The following TMEM135 variants were observed in gnomAD, a reference collection of about 807,000 sequenced individuals.
TMEM135 encodes the protein peroxisomal membrane protein 52.
TMEM135 carries 30 observed loss-of-function variants against 60.3 expected under a neutral mutation model. That is an observed-to-expected ratio of 0.50 (90% confidence interval 0.37 to 0.68). The LOEUF (loss-of-function observed/expected upper bound fraction) is 0.68, where lower values mean the gene tolerates loss of function less well. TMEM135 is among the 30% of genes least tolerant of loss of function. The pLI is 0.00. For synonymous variants in TMEM135, 190 were observed against 186.7 expected, an observed-to-expected ratio of 1.02 and a Z score of -0.14; for missense variants, 468 against 548.8, an observed-to-expected ratio of 0.85 and a Z score of 1.47.
chr11:87,069,162 T>G (rs1220559822), intron 2 of TMEM135, among the ~76,000 whole-genome samples: 1 of 151,622 alleles, frequency 6.6e-6, no homozygotes, highest in Non-Finnish European at 1.5e-5. Context: ...GGCATGCGCC[T>G]GTAGTCCCAT....
At chr11:87,093,998 T>C (rs1857267341) in intron 4 of TMEM135, among the ~76,000 whole-genome samples, 1 of 152,210 alleles carries the variant, frequency 6.6e-6, no homozygotes, top group Non-Finnish European at 1.5e-5. Flanking sequence ...AGTACTTTTT[T>C]CCTTCATATA....
chr11:87,075,930 G>T (rs2135147836), intron 3 of TMEM135, among the ~76,000 whole-genome samples: 2 of 152,152 alleles, frequency 1.3e-5, no homozygotes, highest in African/African-American at 4.8e-5. Context: ...TTGGAACTGA[G>T]CATGAGGTGA....
chr11:87,252,812 G>A (rs996918787), intron 6 of TMEM135, among the ~76,000 whole-genome samples: 6 of 150,966 alleles, frequency 4.0e-5, no homozygotes, highest in Non-Finnish European at 5.9e-5. Context: ...GTGTGTGTGT[G>A]TGTGTGTGTG....
chr11:87,278,563 A>ACCACATTG (rs1942006560), intron 6 of TMEM135, among the ~76,000 whole-genome samples: 1 of 152,026 alleles, frequency 6.6e-6, no homozygotes, highest in African/African-American at 2.4e-5. Context: ...ACAAGGTTTC[A>ACCACATTG]CCACATTGCC....
At chr11:87,265,156 C>T (rs1262402605) in intron 6 of TMEM135, among the ~76,000 whole-genome samples, 1 of 151,862 alleles carries the variant, frequency 6.6e-6, no homozygotes, top group African/African-American at 2.4e-5. Context: ...AGAGCTAGAA[C>T]AAATAATATT....
chr11:87,199,018 C>G (rs1378751157), intron 5 of TMEM135, among the ~76,000 whole-genome samples: 2 of 152,164 alleles, frequency 1.3e-5, no homozygotes, highest in Non-Finnish European at 2.9e-5. Context: ...AGCATCTTAG[C>G]TTTAGAAAAT....
intron 4 of TMEM135, among the ~76,000 whole-genome samples, chr11:87,125,449 C>T (rs78364364): frequency 1.3e-5 from 2 of 152,162 alleles, no homozygotes; most frequent in Admixed American, 6.5e-5. Context: ...GCTGTTAATA[C>T]ATCTTGAGAA....
chr11:87,250,689 A>G (rs148326905), intron 6 of TMEM135, among the ~76,000 whole-genome samples: 12 of 152,300 alleles, frequency 7.9e-5, no homozygotes, highest in African/African-American at 2.4e-4. Context: ...GGCCAAATAT[A>G]TGGTCTTAGG....
At chr11:87,084,341 C>G (rs1007177579) in intron 3 of TMEM135, among the ~76,000 whole-genome samples, 1 of 149,940 alleles carries the variant, frequency 6.7e-6, no homozygotes, top group African/African-American at 2.5e-5. Flanking sequence ...CAGAGTTTCA[C>G]TTGTCATCTA....
intron 4 of TMEM135, among the ~76,000 whole-genome samples, chr11:87,093,654 C>T (rs1857259554): frequency 6.6e-6 from 1 of 152,068 alleles, no homozygotes; most frequent in Non-Finnish European, 1.5e-5. Flanking sequence ...CCTTAGCCTC[C>T]TGAGTAGCTG....
At chr11:87,083,973 AT>A (rs1351076020) in intron 3 of TMEM135, among the ~76,000 whole-genome samples, 3 of 151,986 alleles carry the variant, frequency 2.0e-5, no homozygotes, top group Non-Finnish European at 4.4e-5. Flanking sequence ...TGTATATTTC[AT>A]ATGCATATAT....
chr11:87,045,402 C>T (rs1312359097), intron 1 of TMEM135, among the ~76,000 whole-genome samples: 1 of 152,130 alleles, frequency 6.6e-6, no homozygotes, highest in Non-Finnish European at 1.5e-5. Flanking sequence ...CAGCCTCTAG[C>T]ATGTCGCTTC....
intron 12 of TMEM135, 54 bp downstream of exon 12, chr11:87,314,601 GCTGA>G: frequency 6.3e-6 from 9 of 1,439,736 alleles, no homozygotes; most frequent in South Asian, 5.8e-5. Context: ...GCTTTTAGCT[GCTGA>G]CTGTTTTAGC....
At chr11:87,116,614 AACACACACACACACATAC>A (rs1175999278) in intron 4 of TMEM135, among the ~76,000 whole-genome samples, 3 of 130,026 alleles carry the variant, frequency 2.3e-5, no homozygotes, top group African/African-American at 8.3e-5. Context: ...TATATGTACA[AACACACACACACACATAC>A]ACACACACAC....
chr11:87,281,590 G>T, intron 6 of TMEM135, among the ~76,000 whole-genome samples: 1 of 152,292 alleles, frequency 6.6e-6, no homozygotes, highest in East Asian at 1.9e-4. Flanking sequence ...AAATACAGTT[G>T]ATCTTCAACA....
intron 4 of TMEM135, among the ~76,000 whole-genome samples, chr11:87,125,124 T>G (rs1937688178): frequency 1.3e-5 from 2 of 152,166 alleles, no homozygotes; most frequent in African/African-American, 4.8e-5. Context: ...CCTATTTTTA[T>G]CTCAAGCTAA....
intron 1 of TMEM135, among the ~76,000 whole-genome samples, chr11:87,047,462 C>A (rs566148612): frequency 2.3e-4 from 35 of 151,342 alleles, no homozygotes; most frequent in African/African-American, 8.0e-4. Flanking sequence ...TGTGCGCGCA[C>A]CGTGCGCGAG....
intron 4 of TMEM135, among the ~76,000 whole-genome samples, chr11:87,154,949 T>G (rs1388796702): frequency 6.6e-6 from 1 of 152,254 alleles, no homozygotes. Context: ...ATAGAGTCCT[T>G]TGATGCACTA....
chr11:87,079,523 A>C (rs528089598), intron 3 of TMEM135, among the ~76,000 whole-genome samples: 11 of 151,966 alleles, frequency 7.2e-5, no homozygotes, highest in Non-Finnish European at 1.5e-4. Flanking sequence ...AGTTTTTGGT[A>C]CATTCCTTGA....
Sources: allele counts gnomAD v4.1 joint callset (sites outside exome capture counted in the v4.1 genomes callset), GRCh38; gene constraint gnomAD v4.1.1; transcripts MANE v1.5; gene names NCBI Gene and HGNC (gene_info 2026-07-23, HGNC 2026-07-21).